Variants in RANBP2 observed in about 807,000 individuals in gnomAD.
RANBP2 encodes E3 SUMO-protein ligase RanBP2.
Under a neutral mutation model 303.6 loss-of-function variants are expected in RANBP2, and 57 were observed. That is an observed-to-expected ratio of 0.19 (90% CI 0.15 to 0.23). RANBP2 has a LOEUF of 0.23. RANBP2 is among the 10% of genes least tolerant of loss of function. The pLI is 1.00. For synonymous variants in RANBP2, 1,167 were observed against 1,301.5 expected (o/e 0.90, Z 2.23); for missense variants, 3,138 against 3,780.8 (o/e 0.83, Z 4.46).
the RANBP2 span, among the ~76,000 whole-genome samples, chr2:109,566,367 T>TGA: frequency 1.3e-5 from 2 of 151,996 alleles, no homozygotes; most frequent in Non-Finnish European, 2.9e-5. Context: ...GTGATCCACC[T>TGA]GTCTTGGGAT....
the RANBP2 span, among the ~76,000 whole-genome samples, chr2:108,825,174 G>C: frequency 6.6e-6 from 1 of 152,112 alleles, no homozygotes; most frequent in South Asian, 2.1e-4. Flanking sequence ...GGAGGTGGGA[G>C]GATGTAAAGT....
At chr2:108,846,662 G>A in the RANBP2 span, 2 of 1,326,996 alleles carry the variant, frequency 1.5e-6, no homozygotes, top group Non-Finnish European at 1.1e-6. Flanking sequence ...GGGCAACAGA[G>A]CAAGACTGTG....
the RANBP2 span, among the ~76,000 whole-genome samples, chr2:109,016,475 AC>A: frequency 6.6e-6 from 1 of 152,046 alleles, no homozygotes; most frequent in Non-Finnish European, 1.5e-5. Context: ...GTGCTTCCTC[AC>A]CATTTGATTT....
At chr2:109,714,970 G>C in the RANBP2 span, among the ~76,000 whole-genome samples, 1 of 132,264 alleles carries the variant, frequency 7.6e-6, no homozygotes, top group Non-Finnish European at 1.6e-5. Flanking sequence ...TTTTTGGGGG[G>C]GTGGGGGTGG....
chr2:109,155,387 G>A, the RANBP2 span, among the ~76,000 whole-genome samples: 5 of 152,082 alleles, frequency 3.3e-5, no homozygotes, highest in Non-Finnish European at 7.4e-5. Context: ...TGCAAGCTCC[G>A]CCTCCTGAGT....
chr2:109,081,005 A>T, the RANBP2 span, among the ~76,000 whole-genome samples: 1 of 152,162 alleles, frequency 6.6e-6, no homozygotes, highest in African/African-American at 2.4e-5. Context: ...GCCATCCACT[A>T]TGCTAGCTAC....
the RANBP2 span, among the ~76,000 whole-genome samples, chr2:109,731,363 T>A: frequency 3.3e-5 from 5 of 152,246 alleles, no homozygotes; most frequent in Non-Finnish European, 4.4e-5. Flanking sequence ...ATTCCATGTG[T>A]CCAATTCAAA....
At chr2:109,682,542 A>G in the RANBP2 span, among the ~76,000 whole-genome samples, 17 of 152,164 alleles carry the variant, frequency 1.1e-4, no homozygotes, top group African/African-American at 3.9e-4. Flanking sequence ...GGATCAGCAG[A>G]TGGTAGAAGA....
the RANBP2 span, among the ~76,000 whole-genome samples, chr2:109,298,022 G>A: frequency 6.6e-6 from 1 of 152,198 alleles, no homozygotes; most frequent in East Asian, 1.9e-4. Flanking sequence ...GCTGAGGCTG[G>A]TGTGTGGTGC....
chr2:108,776,603 C>T (rs1479857561), intron 24 of RANBP2, among the ~76,000 whole-genome samples: 1 of 152,150 alleles, frequency 6.6e-6, no homozygotes, highest in Admixed American at 6.6e-5. Context: ...CCTAAAACCT[C>T]ATACATTTTC....
At chr2:109,491,882 T>G in the RANBP2 span, among the ~76,000 whole-genome samples, 1 of 152,234 alleles carries the variant, frequency 6.6e-6, no homozygotes, top group Non-Finnish European at 1.5e-5. Flanking sequence ...GAAGGCAGCC[T>G]CTGCCCTGAA....
At chr2:108,732,962 T>TA (rs778605154) in intron 4 of RANBP2, among the ~76,000 whole-genome samples, 31 of 152,308 alleles carry the variant, frequency 2.0e-4, no homozygotes, top group Non-Finnish European at 4.0e-4. Flanking sequence ...TAGCTGGGAC[T>TA]ACAGGCACGT....
the RANBP2 span, among the ~76,000 whole-genome samples, chr2:109,132,042 G>A: frequency 6.6e-6 from 1 of 152,160 alleles, no homozygotes; most frequent in South Asian, 2.1e-4. Context: ...CAAAGATTTC[G>A]GCTGAAAATT....
At chr2:109,704,058 T>G in the RANBP2 span, among the ~76,000 whole-genome samples, 1 of 152,256 alleles carries the variant, frequency 6.6e-6, no homozygotes, top group East Asian at 1.9e-4. Context: ...TTAAATGACC[T>G]CTCTGCCCAG....
the RANBP2 span, among the ~76,000 whole-genome samples, chr2:109,662,064 A>C: frequency 2.6e-5 from 4 of 152,174 alleles, no homozygotes; most frequent in South Asian, 6.2e-4. Flanking sequence ...CACCCTTTCC[A>C]GACCATGACT....
the RANBP2 span, among the ~76,000 whole-genome samples, chr2:108,956,531 A>G: frequency 6.6e-6 from 1 of 152,208 alleles, no homozygotes; most frequent in Non-Finnish European, 1.5e-5. Context: ...GAAACTACAC[A>G]TGGCATTGAA....
chr2:109,481,249 G>A, the RANBP2 span, among the ~76,000 whole-genome samples: 2 of 152,230 alleles, frequency 1.3e-5, no homozygotes, highest in African/African-American at 4.8e-5. Flanking sequence ...AGGTCTCTCT[G>A]TGCTCAAGCT....
At chr2:109,191,821 C>T in the RANBP2 span, among the ~76,000 whole-genome samples, 1 of 152,202 alleles carries the variant, frequency 6.6e-6, no homozygotes, top group Non-Finnish European at 1.5e-5. Flanking sequence ...GAGGATTCCT[C>T]TTCTTTGTGG....
At chr2:109,613,242 A>G in the RANBP2 span, 3 of 1,230,486 alleles carry the variant, frequency 2.4e-6, no homozygotes, top group Non-Finnish European at 2.1e-6. Context: ...GAAAGGTTCA[A>G]AACAGTGAAC....
Sources: allele counts gnomAD v4.1 joint callset (sites outside exome capture counted in the v4.1 genomes callset), GRCh38; gene constraint gnomAD v4.1.1; transcripts MANE v1.5; gene names NCBI Gene and HGNC (gene_info 2026-07-23, HGNC 2026-07-21).